Variants in MYO16 observed in about 807,000 individuals in gnomAD.
The protein encoded by MYO16 is unconventional myosin-XVI.
MYO16 carries 94 observed loss-of-function variants against 205.3 expected under a neutral mutation model. That is an observed-to-expected ratio of 0.46 (90% CI 0.39 to 0.54). The LOEUF is 0.54. Ranked by LOEUF, MYO16 falls within the 20% of genes least tolerant of loss-of-function variation. MYO16 has a pLI of 0.00. For synonymous variants in MYO16, 988 were observed against 954.0 expected (o/e 1.04, Z -0.66); for missense variants, 2,315 against 2,387.5 (o/e 0.97, Z 0.63).
intron 16 of MYO16, among the ~76,000 whole-genome samples, chr13:108,938,303 T>C (rs1212247183): frequency 1.3e-5 from 2 of 152,182 alleles, no homozygotes; most frequent in African/African-American, 4.8e-5. Context: ...ATATACTTGC[T>C]TATTGTTTGC....
chr13:109,110,111 C>T (rs1330595362), intron 28 of MYO16, among the ~76,000 whole-genome samples: 1 of 152,204 alleles, frequency 6.6e-6, no homozygotes, highest in Non-Finnish European at 1.5e-5. Flanking sequence ...TCCCATGGGG[C>T]AAACCATTAT....
chr13:108,909,919 C>G, intron 15 of MYO16, 84 bp from the exon 16 acceptor site: 1 of 1,386,318 alleles, frequency 7.2e-7, no homozygotes, highest in Non-Finnish European at 1.0e-6. Context: ...CCTTGTATCT[C>G]TTGTAATTAA....
Position 108,883,096 on chromosome 13 carries a change from G to A in MYO16, c.1463G>A (p.Cys488Tyr), listed in dbSNP as rs747731481. The A allele has an allele frequency of 3.2e-5, 52 of 1,613,996 alleles. No individual in the cohort carries two copies. The highest frequency in any genetic ancestry group is 4.3e-5 in the Non-Finnish European group (51 of 1,180,010). ...TATTTCAGCTCCTCAGGGAAGCTGT[G>A]TTCCTCGCTGCCTCCTCACCTCTTC... The part of the protein sequence containing the change: ...QLYFSSSGKL[C>Y]SSLPPHLFSC... The change falls in exon 13 of 35, where the codon TGT (cysteine) becomes TAT (tyrosine). Residue 488 changes from cysteine (C) to tyrosine (Y), a missense_variant. Around this residue, in one of 3 missense-constraint regions of MYO16, gnomAD observed 1,213 missense variants for 1,274.4 expected, o/e 0.95. Coordinates refer to ENST00000457511, the MANE Select transcript of MYO16 (RefSeq NM_001198950.3).
the MYO16 span, among the ~76,000 whole-genome samples, chr13:108,519,649 C>CA: frequency 0.1 from 11,897 of 118,434 alleles, 932 homozygotes; most frequent in African/African-American, 0.22. Context: ...ACACACACAC[C>CA]CACACACACA....
intron 23 of MYO16, among the ~76,000 whole-genome samples, chr13:109,039,193 C>T (rs920742883): frequency 1.3e-5 from 2 of 152,172 alleles, no homozygotes; most frequent in Non-Finnish European, 2.9e-5. Context: ...AGTAGTGAGG[C>T]TGTGCCTTCC....
chr13:108,534,084 G>T, the MYO16 span, among the ~76,000 whole-genome samples: 3 of 152,014 alleles, frequency 2.0e-5, no homozygotes, highest in Non-Finnish European at 2.9e-5. Flanking sequence ...TGCTTGTTCT[G>T]GTTCTAAGAG....
At chr13:109,180,923 C>T (rs1879425327) in intron 34 of MYO16, among the ~76,000 whole-genome samples, 2 of 152,340 alleles carry the variant, frequency 1.3e-5, no homozygotes, top group South Asian at 4.1e-4. Flanking sequence ...GGAGGCCTGA[C>T]TCCTGTACAT....
chr13:108,562,462 A>T, the MYO16 span, among the ~76,000 whole-genome samples: 1 of 152,216 alleles, frequency 6.6e-6, no homozygotes, highest in East Asian at 1.9e-4. Flanking sequence ...TTTTAGAATC[A>T]CTGTGACATG....
intron 28 of MYO16, among the ~76,000 whole-genome samples, chr13:109,119,647 C>A (rs941723842): frequency 3.3e-5 from 5 of 152,172 alleles, no homozygotes; most frequent in African/African-American, 1.2e-4. Flanking sequence ...TGGCAGCTGT[C>A]TTTATCAATA....
intron 12 of MYO16, among the ~76,000 whole-genome samples, chr13:108,880,096 A>G (rs1213695798): frequency 6.6e-6 from 1 of 152,052 alleles, no homozygotes; most frequent in Non-Finnish European, 1.5e-5. Context: ...TTTGATTTGC[A>G]TTTCTCTGAT....
chr13:108,800,015 C>T (rs1432520547), intron 6 of MYO16, among the ~76,000 whole-genome samples: 2 of 152,068 alleles, frequency 1.3e-5, no homozygotes, highest in Non-Finnish European at 2.9e-5. Context: ...GGATCCCACC[C>T]GCCCGCCATC....
intron 3 of MYO16, among the ~76,000 whole-genome samples, chr13:108,717,735 C>A (rs548576008): frequency 2.9e-4 from 44 of 151,654 alleles, no homozygotes; most frequent in African/African-American, 1.1e-3. Flanking sequence ...ATAGCACAAT[C>A]GGATATATGA....
At chr13:108,591,096 T>C in the MYO16 span, among the ~76,000 whole-genome samples, 2 of 152,176 alleles carry the variant, frequency 1.3e-5, no homozygotes, top group South Asian at 2.1e-4. Flanking sequence ...CTGTAGGCCC[T>C]TGTGGTCCCC....
chr13:109,059,977 C>T (rs1887538173), intron 27 of MYO16, among the ~76,000 whole-genome samples: 2 of 152,008 alleles, frequency 1.3e-5, no homozygotes, highest in South Asian at 4.2e-4. Flanking sequence ...ATTAAAAAGT[C>T]GGAAAACAAC....
chr13:108,873,204 C>A (rs909129671), intron 12 of MYO16, among the ~76,000 whole-genome samples: 3 of 151,990 alleles, frequency 2.0e-5, no homozygotes, highest in Non-Finnish European at 2.9e-5. Context: ...GGTTTCTTCC[C>A]ATGTCAATTA....
Position 108,952,111 on chromosome 13 carries a change from CAATAAATAAATAAATA to C in MYO16, c.1926-5542_1926-5527del, listed in dbSNP as rs142142365. The stretch of plus-strand genomic sequence containing the variant: ...GGGAAAAACGAGTGAGACTCCATCT[CAATAAATAAATAAATA>C]AATAAATAAATAAATAAATAAATAA... On this transcript the variant is annotated intron_variant, in intron 16 of 34. Coordinates refer to ENST00000457511, the MANE Select transcript of MYO16 (RefSeq NM_001198950.3). Among the ~76,000 whole-genome samples, 325 of 138,620 alleles carry C rather than the reference CAATAAATAAATAAATA, an allele frequency of 2.3e-3. 2 individuals carry two copies. Among genetic ancestry groups the C allele is most frequent in the East Asian group, 0.012 (56 of 4,726 alleles). 90.9% of individuals were successfully genotyped at this position (138,620 alleles called of 152,430 possible). A position where few individuals can be genotyped will look rare whatever the true frequency, so the allele number is the denominator to read the frequency against.
At chr13:108,777,125 G>A (rs1886148444) in intron 4 of MYO16, among the ~76,000 whole-genome samples, 1 of 151,996 alleles carries the variant, frequency 6.6e-6, no homozygotes, top group African/African-American at 2.4e-5. Flanking sequence ...GAGGAAACTG[G>A]GGCATAAAAC....
At chr13:108,804,694 A>G (rs1887062457) in intron 6 of MYO16, among the ~76,000 whole-genome samples, 1 of 152,194 alleles carries the variant, frequency 6.6e-6, no homozygotes, top group East Asian at 1.9e-4. Context: ...ATCTCATGTG[A>G]TTAAGTAGAA....
At chr13:109,111,222 C>G (rs1889271431) in intron 28 of MYO16, among the ~76,000 whole-genome samples, 1 of 152,148 alleles carries the variant, frequency 6.6e-6, no homozygotes, top group African/African-American at 2.4e-5. Context: ...CTGGTAGGCA[C>G]AGAAACTGTT....
Sources: gnomAD v4.1 joint callset for allele counts (sites outside exome capture counted in the v4.1 genomes callset) on GRCh38, gnomAD v4.1.1 for gene constraint, gnomAD v4.1.1 regional missense constraint, MANE v1.5 for transcripts, NCBI Gene and HGNC (gene_info 2026-07-23, HGNC 2026-07-21) for gene names.